Variants in CGNL1 observed in about 807,000 individuals in gnomAD.
CGNL1 encodes the protein cingulin-like protein 1.
In CGNL1, 132 loss-of-function variants were observed where a neutral mutation model predicts 141.2. The observed-to-expected ratio is 0.93, with a 90% CI of 0.81 to 1.08. The LOEUF (loss-of-function observed/expected upper bound fraction) is 1.08. CGNL1 is among the 50% of genes least tolerant of loss of function. The pLI, the probability that CGNL1 is intolerant of heterozygous loss-of-function variation, is 0.00. For missense variants in CGNL1, 1,870 were observed against 1,588.6 expected (o/e 1.18, Z -3.01); for synonymous variants, 690 against 622.1 (o/e 1.11, Z -1.63).
intron 1 of CGNL1, among the ~76,000 whole-genome samples, chr15:57,422,836 TAG>T (rs2152284873): frequency 6.6e-6 from 1 of 152,242 alleles, no homozygotes; most frequent in East Asian, 1.9e-4. Context: ...GACATGGAAA[TAG>T]ATCCCAGAGC....
chr15:57,478,003 A>G (rs2063678295), intron 8 of CGNL1, among the ~76,000 whole-genome samples: 1 of 152,210 alleles, frequency 6.6e-6, no homozygotes, highest in African/African-American at 2.4e-5. Context: ...TCAAAACACT[A>G]GTAGAAATTA....
chr15:57,484,942 T>A (rs1178751000), intron 8 of CGNL1, among the ~76,000 whole-genome samples: 2 of 151,984 alleles, frequency 1.3e-5, no homozygotes, highest in Non-Finnish European at 2.9e-5. Flanking sequence ...TTTTTCTATT[T>A]TTTTTATGTT....
In CGNL1 at chr15:57,451,488, A is replaced by C. The variant is rs934159237; in HGVS notation, c.1804-12A>C. On this transcript the variant is annotated splice_polypyrimidine_tract_variant and intron_variant, in intron 4 of 18. Coordinates refer to ENST00000281282, the MANE Select transcript of CGNL1 (RefSeq NM_032866.5). ...AACATTTAAATTAGTATATCTTTGC[A>C]ATTAATTATAGGCTTGTAATTCCAC... The C allele has an allele frequency of 7.0e-6, 11 of 1,569,636 alleles. No homozygotes were observed. The highest frequency in any genetic ancestry group is 5.4e-5 in the African/African-American group (4 of 73,540).
At chr15:57,385,765 A>G (rs1293256446) in intron 1 of CGNL1, among the ~76,000 whole-genome samples, 1 of 152,212 alleles carries the variant, frequency 6.6e-6, no homozygotes, top group Non-Finnish European at 1.5e-5. Flanking sequence ...ACATTTGACA[A>G]TATCTGGGGG....
intron 1 of CGNL1, among the ~76,000 whole-genome samples, chr15:57,423,997 C>T (rs538353550): frequency 3.9e-5 from 6 of 152,326 alleles, no homozygotes; most frequent in African/African-American, 1.4e-4. Context: ...CAGTCCCCGG[C>T]TTTAAGTCAC....
chr15:57,423,840 A>G (rs1459514702), intron 1 of CGNL1, among the ~76,000 whole-genome samples: 2 of 152,212 alleles, frequency 1.3e-5, no homozygotes, highest in Admixed American at 6.5e-5. Context: ...ATGATGATTC[A>G]TTGGATCTCG....
At chr15:57,486,890 T>G (rs2063792116) in intron 8 of CGNL1, among the ~76,000 whole-genome samples, 1 of 152,186 alleles carries the variant, frequency 6.6e-6, no homozygotes, top group African/African-American at 2.4e-5. Flanking sequence ...ATTCTGTCCT[T>G]GTTTTACATT....
intron 1 of CGNL1, among the ~76,000 whole-genome samples, chr15:57,382,501 G>C (rs1037969039): frequency 5.3e-5 from 8 of 152,200 alleles, no homozygotes; most frequent in Admixed American, 6.5e-5. Context: ...GGTAGAGTAC[G>C]TAATCGTTCA....
At chr15:57,482,965 T>C (rs1423630071) in intron 8 of CGNL1, among the ~76,000 whole-genome samples, 5 of 152,158 alleles carry the variant, frequency 3.3e-5, no homozygotes, top group African/African-American at 7.2e-5. Flanking sequence ...TTTTGTATTT[T>C]TAATAGAGAC....
chr15:57,378,867 G>A (rs112193071), intron 1 of CGNL1, among the ~76,000 whole-genome samples: 1,999 of 152,288 alleles, frequency 0.013, 47 homozygotes, highest in African/African-American at 0.045. Flanking sequence ...ACCATGCTCT[G>A]CTGCTACTAC....
chr15:57,535,472 G>A (rs958220961), intron 14 of CGNL1, among the ~76,000 whole-genome samples: 5 of 152,184 alleles, frequency 3.3e-5, no homozygotes, highest in Non-Finnish European at 5.9e-5. Context: ...CCTGGGGTCA[G>A]CTCTAAAGAA....
chr15:57,455,179 C>T (rs60662642), intron 7 of CGNL1, among the ~76,000 whole-genome samples: 3,124 of 151,780 alleles, frequency 0.021, 118 homozygotes, highest in African/African-American at 0.071. Context: ...TTTTTTTTCC[C>T]TTTTTTGTAA....
intron 8 of CGNL1, among the ~76,000 whole-genome samples, chr15:57,473,682 A>T (rs1456246103): frequency 6.6e-6 from 1 of 152,030 alleles, no homozygotes; most frequent in Non-Finnish European, 1.5e-5. Context: ...CCATGTTGTA[A>T]GTGCACTTAA....
chr15:57,463,613 T>C (rs1280377), intron 8 of CGNL1, among the ~76,000 whole-genome samples: 71,452 of 152,086 alleles, frequency 0.47, 17,085 homozygotes, highest in Admixed American at 0.57. Context: ...TTTTCTATAC[T>C]GCTGCCAGCA....
At chr15:57,493,739 C>G (rs2152380937) in intron 8 of CGNL1, among the ~76,000 whole-genome samples, 1 of 152,264 alleles carries the variant, frequency 6.6e-6, no homozygotes, top group South Asian at 2.1e-4. Flanking sequence ...CTTTGAAGTA[C>G]CATTTAGTGG....
intron 1 of CGNL1, among the ~76,000 whole-genome samples, chr15:57,395,668 A>G (rs1304065606): frequency 6.6e-6 from 1 of 152,226 alleles, no homozygotes; most frequent in Non-Finnish European, 1.5e-5. Context: ...ATTGGGCTCT[A>G]CCTTGTGCTG....
At chr15:57,448,922 C>G (rs576507628) in intron 4 of CGNL1, among the ~76,000 whole-genome samples, 3 of 152,082 alleles carry the variant, frequency 2.0e-5, no homozygotes, top group Non-Finnish European at 4.4e-5. Context: ...TTTGTTTTGA[C>G]AGACAGTTAA....
intron 7 of CGNL1, among the ~76,000 whole-genome samples, chr15:57,459,138 A>G (rs2063415791): frequency 6.6e-6 from 1 of 152,206 alleles, no homozygotes; most frequent in Admixed American, 6.5e-5. Context: ...CATGCCTCTG[A>G]TTACCCAGGG....
At chr15:57,528,625 A>G (rs1815432873) in intron 12 of CGNL1, 29 bp from the exon 13 acceptor site, 1 of 1,612,452 alleles carries the variant, frequency 6.2e-7, no homozygotes, top group Non-Finnish European at 8.5e-7. Flanking sequence ...TGCACCCCAG[A>G]AAACCATCCC....
Sources: gnomAD v4.1 joint callset for allele counts (sites outside exome capture counted in the v4.1 genomes callset) on GRCh38, gnomAD v4.1.1 for gene constraint, MANE v1.5 for transcripts, NCBI Gene and HGNC (gene_info 2026-07-23, HGNC 2026-07-21) for gene names.